DDX23: variants seen among roughly 807,000 people sequenced by gnomAD.
The protein encoded by DDX23 is DEAD-box helicase 23.
DDX23 carries 33 observed loss-of-function variants against 102.7 expected under a neutral mutation model. The ratio of observed to expected loss-of-function variants is 0.32; its 90% CI spans 0.24 to 0.43. The LOEUF (loss-of-function observed/expected upper bound fraction) is 0.43, where lower values mean the gene tolerates loss of function less well. DDX23 is among the 20% of genes least tolerant of loss of function. DDX23 has a pLI of 1.00. For missense variants in DDX23, 549 were observed against 1,086.6 expected (o/e 0.51, Z 6.96); for synonymous variants, 352 against 376.0 (o/e 0.94, Z 0.74).
chr12:48,830,634 G>C lies in DDX23; in HGVS notation c.2298C>G (p.Thr766=). 1 of 1,614,140 alleles carries C rather than the reference G, an allele frequency of 6.2e-7. No individual in the cohort carries two copies. Among genetic ancestry groups the C allele is most frequent in the Non-Finnish European group, 8.5e-7 (1 of 1,180,022 alleles). ...GRAGKSGVAI[T]FLTKEDSAVF... The stretch of plus-strand genomic sequence containing the variant: ...CAGCAGAGTCCTCTTTTGTGAGGAA[G>C]GTGATGGCCACCCCACTCTTGCCTG... Residue 766 remains threonine (T), a synonymous_variant, in exon 17 of 17, where the codon ACC becomes ACG. Transcript: ENST00000308025. This position sits in a 1 kb window ranked among gnomAD's most constrained non-coding sequence, Gnocchi z 4.9.
chr12:48,833,707 G>T, intron 12 of DDX23, 188 bp from the exon 13 acceptor site: 1 of 710,220 alleles, frequency 1.4e-6, no homozygotes, highest in Non-Finnish European at 2.3e-6. Flanking sequence ...ATTTTCTCAG[G>T]AATGAATGAG....
Position 48,834,517 on chromosome 12 carries a change from C to G in DDX23, c.1383-20G>C. 1.2e-6 allele frequency: 2 copies of G among 1,606,354 alleles called. No individual in the cohort carries two copies. The highest frequency in any genetic ancestry group is 1.7e-6 in the Non-Finnish European group (2 of 1,176,174). On this transcript the variant is annotated intron_variant, in intron 11 of 16. Coordinates refer to ENST00000308025, the MANE Select transcript of DDX23 (RefSeq NM_004818.3). ...TCGATCCTGTGGTAAACAGGGTGCC[C>G]CACAGCTTCGTGAGCTTTGGTTCTT...
intron 1 of DDX23, among the ~76,000 whole-genome samples, chr12:48,849,804 C>G (rs941809266): frequency 1.3e-5 from 2 of 152,176 alleles, no homozygotes; most frequent in African/African-American, 4.8e-5. Context: ...AAATATCGTC[C>G]AGGAACACGG....
intron 5 of DDX23, among the ~76,000 whole-genome samples, chr12:48,838,849 T>C (rs1266202900): frequency 1.3e-5 from 2 of 151,944 alleles, no homozygotes; most frequent in African/African-American, 2.4e-5. Context: ...CGAGACTCCA[T>C]CTCAAACAAA....
rs765521613 is a variant in DDX23 at position 48,837,517 on chromosome 12, C to A, written c.753+7G>T. On this transcript the variant is annotated splice_region_variant and intron_variant, in intron 7 of 16. Transcript: ENST00000308025. ...GAGAGAAGTGAAGATGGAGCCAAGG[C>A]CTGCACCTTAATGGCATGCAGTTCC... The A allele has an allele frequency of 6.2e-7, 1 of 1,614,128 alleles. No individual in the cohort carries two copies. Among genetic ancestry groups the A allele is most frequent in the Non-Finnish European group, 8.5e-7 (1 of 1,179,996 alleles).
chr12:48,839,021 G>A (rs932279410), intron 5 of DDX23, among the ~76,000 whole-genome samples: 1 of 152,050 alleles, frequency 6.6e-6, no homozygotes, highest in Non-Finnish European at 1.5e-5. Flanking sequence ...GACTACAGGC[G>A]CATGCTACCA....
chr12:48,835,929 C>G (rs1253287502), intron 11 of DDX23, among the ~76,000 whole-genome samples, 192 bp downstream of exon 11: 1 of 152,134 alleles, frequency 6.6e-6, no homozygotes, highest in Non-Finnish European at 1.5e-5. Flanking sequence ...TCCAGGATAG[C>G]AAAGTTCTCC....
intron 3 of DDX23, among the ~76,000 whole-genome samples, chr12:48,843,371 G>A (rs1938603520): frequency 6.6e-6 from 1 of 151,384 alleles, no homozygotes; most frequent in East Asian, 2.0e-4. Flanking sequence ...GGCTGAGGTG[G>A]GTGGATCACC....
At chr12:48,843,251 C>A (rs917971045) in intron 3 of DDX23, among the ~76,000 whole-genome samples, 2 of 150,564 alleles carry the variant, frequency 1.3e-5, no homozygotes, top group African/African-American at 4.9e-5. Context: ...GTCCTGTGAC[C>A]CTGCCAAATC....
At chr12:48,837,174 A>T in intron 8 of DDX23, 107 bp downstream of exon 8, 1 of 1,542,836 alleles carries the variant, frequency 6.5e-7, no homozygotes, top group Non-Finnish European at 8.9e-7. Context: ...CTACCAGTCT[A>T]CCAATTTTCC....
intron 3 of DDX23, among the ~76,000 whole-genome samples, chr12:48,842,833 G>A (rs1938591242): frequency 6.6e-6 from 1 of 152,220 alleles, no homozygotes. Context: ...CATGATGACA[G>A]TGGCGGTTTT....
chr12:48,843,295 T>TAA (rs1042555081), intron 3 of DDX23, among the ~76,000 whole-genome samples: 1 of 135,962 alleles, frequency 7.4e-6, no homozygotes, highest in African/African-American at 2.7e-5. Context: ...AATGATCAAT[T>TAA]AAAAAAAAAA....
rs1216637608 is a variant in DDX23, at chr12:48,845,768, C to T, written c.15G>A (p.Leu5=). 4 of 1,614,146 alleles carry T rather than the reference C, an allele frequency of 2.5e-6. No individual in the cohort carries two copies. The South Asian group carries it at 4.4e-5, about 18-fold the overall frequency. Reference sequence around the variant, plus strand: ...ATGCATCACGGTCCTTTTTGTCAGCCAGCTCTCCTGCCATCTGTAATGAGT... The same window carrying T: ...ATGCATCACGGTCCTTTTTGTCAGCTAGCTCTCCTGCCATCTGTAATGAGT... MAGE[L]ADKKDRDASP... The change falls in exon 2 of 17, where the codon CTG becomes CTA. Residue 5 remains leucine (L), a synonymous_variant. Transcript: ENST00000308025.
At chr12:48,842,455 G>A (rs1938578150) in intron 3 of DDX23, among the ~76,000 whole-genome samples, 1 of 136,586 alleles carries the variant, frequency 7.3e-6, no homozygotes, top group African/African-American at 2.7e-5. Flanking sequence ...AGGTAGGGGG[G>A]TCAGCCCCCC....
chr12:48,845,471 T>A, intron 2 of DDX23, 103 bp downstream of exon 2: 3 of 1,322,962 alleles, frequency 2.3e-6, no homozygotes, highest in Non-Finnish European at 3.2e-6. Context: ...AAAATAAAAA[T>A]AAAAAGTAGA....
chr12:48,835,990 C>T (rs1026072223), intron 11 of DDX23, 131 bp downstream of exon 11: 2 of 1,072,692 alleles, frequency 1.9e-6, no homozygotes, highest in African/African-American at 3.2e-5. Context: ...CCAATTATTC[C>T]CTAATATCCA....
chr12:48,841,814 C>A (rs1270452476), intron 3 of DDX23, among the ~76,000 whole-genome samples: 1 of 152,188 alleles, frequency 6.6e-6, no homozygotes, highest in Non-Finnish European at 1.5e-5. Flanking sequence ...CTCGCTACAA[C>A]CTCCACCTCC....
intron 5 of DDX23, 110 bp from the exon 6 acceptor site, chr12:48,838,190 T>A (rs1282106316): frequency 6.6e-7 from 1 of 1,511,844 alleles, no homozygotes; most frequent in African/African-American, 1.4e-5. Flanking sequence ...GCATTAAGCC[T>A]GTTGAGGAAA....
intron 1 of DDX23, among the ~76,000 whole-genome samples, chr12:48,850,770 A>G (rs532845645): frequency 8.1e-4 from 124 of 152,332 alleles, no homozygotes; most frequent in African/African-American, 2.9e-3. Flanking sequence ...GTACCACCGA[A>G]GTGGAGAGGG....
Sources: gnomAD v4.1 joint callset for allele counts (sites outside exome capture counted in the v4.1 genomes callset) on GRCh38, gnomAD v4.1.1 for gene constraint, Gnocchi (gnomAD v3.1) non-coding constraint, MANE v1.5 for transcripts, NCBI Gene and HGNC (gene_info 2026-07-23, HGNC 2026-07-21) for gene names.